The following TACC1 variants were observed in gnomAD, a reference collection of about 807,000 sequenced individuals.
TACC1 encodes transforming acidic coiled-coil-containing protein 1.
Under a neutral mutation model 84.4 loss-of-function variants are expected in TACC1, and 48 were observed. The ratio of observed to expected loss-of-function variants is 0.57; its 90% CI spans 0.45 to 0.72. The LOEUF is 0.72. TACC1 is among the 30% of genes least tolerant of loss of function. TACC1 has a pLI of 0.00. For missense variants in TACC1, 920 were observed against 973.0 expected (o/e 0.95, Z 0.72); for synonymous variants, 372 against 376.3 (o/e 0.99, Z 0.13).
At chr8:38,745,278 G>C in exon 3 of TACC1, 1 of 512,982 alleles carries the variant, frequency 1.9e-6, no homozygotes, top group Non-Finnish European at 3.4e-6. Flanking sequence ...CGCAGTTCAG[G>C]CCCAGCAAGA....
At chr8:38,778,014 T>C (rs1248007206) in intron 3 of TACC1, among the ~76,000 whole-genome samples, 1 of 152,186 alleles carries the variant, frequency 6.6e-6, no homozygotes, top group Non-Finnish European at 1.5e-5. Context: ...GGTGAGGGAA[T>C]TAGGCTCTAC....
chr8:38,745,767 C>T (rs1409062152), intron 3 of TACC1, among the ~76,000 whole-genome samples: 2 of 152,184 alleles, frequency 1.3e-5, no homozygotes, highest in Non-Finnish European at 2.9e-5. Context: ...TGGTCTTAAA[C>T]TCCTGACCTC....
chr8:38,828,231 G>A (rs1828531885), intron 5 of TACC1, among the ~76,000 whole-genome samples: 1 of 152,130 alleles, frequency 6.6e-6, no homozygotes, highest in Admixed American at 6.6e-5. Context: ...ATAGCAAGGT[G>A]TTACCCTTTT....
chr8:38,845,430 T>C (rs1832046324), intron 11 of TACC1, among the ~76,000 whole-genome samples: 1 of 152,252 alleles, frequency 6.6e-6, no homozygotes, highest in South Asian at 2.1e-4. Flanking sequence ...GTCGTTTCTT[T>C]GTGTCTTTAT....
chr8:38,769,663 G>A (rs1813124151), intron 3 of TACC1, among the ~76,000 whole-genome samples: 1 of 143,548 alleles, frequency 7.0e-6, no homozygotes, highest in Non-Finnish European at 1.5e-5. Flanking sequence ...GTGTGAGAGA[G>A]AGACTGGGTA....
intron 1 of TACC1, among the ~76,000 whole-genome samples, chr8:38,731,308 T>G (rs1804881215): frequency 6.6e-6 from 1 of 152,192 alleles, no homozygotes; most frequent in Admixed American, 6.5e-5. Context: ...ATCTCAGCTC[T>G]GTCACATTTT....
chr8:38,757,344 C>T (rs1193793976), intron 3 of TACC1: 4 of 1,267,834 alleles, frequency 3.2e-6, no homozygotes, highest in African/African-American at 3.2e-5. Flanking sequence ...TGGGAGGCTC[C>T]CACTCTCAGA....
intron 2 of TACC1, among the ~76,000 whole-genome samples, chr8:38,744,648 T>C (rs2151700965): frequency 6.6e-6 from 1 of 152,236 alleles, no homozygotes; most frequent in Middle Eastern, 3.4e-3. Context: ...TCCAACCACA[T>C]GATGATGCCC....
rs543942808 is a variant in TACC1, at chr8:38,799,887, G to A, written c.277+11068G>A. On this transcript the variant is annotated intron_variant, in intron 2 of 12. Transcript: ENST00000317827. ...GACACTATTTAAAGCATGTACTTTG[G>A]ATGTGTGTGCTGGCTCACTCCTGTA... The A allele has an allele frequency of 3.3e-5, 5 of 152,360 alleles. No individual in the cohort carries two copies. The South Asian group carries it at 1.0e-3, about 32-fold the overall frequency. The allele number at this position is 152,360 out of a possible 1,614,324, so 9.4% of individuals were successfully genotyped here.
intron 2 of TACC1, among the ~76,000 whole-genome samples, chr8:38,808,417 C>T (rs1370448379): frequency 6.6e-6 from 1 of 152,062 alleles, no homozygotes; most frequent in Non-Finnish European, 1.5e-5. Flanking sequence ...CTTTCCTTTC[C>T]TTTTTCTTTT....
upstream of TACC1, among the ~76,000 whole-genome samples, chr8:38,782,800 T>A (rs1273975944): frequency 6.6e-6 from 1 of 152,214 alleles, no homozygotes; most frequent in Non-Finnish European, 1.5e-5. Context: ...TTGGTTTGCT[T>A]GTTTTCAACT....
intron 9 of TACC1, among the ~76,000 whole-genome samples, chr8:38,841,995 GCTGTA>G (rs1213880052): frequency 6.6e-6 from 1 of 152,068 alleles, no homozygotes; most frequent in South Asian, 2.1e-4. Context: ...CTCCCAGGTA[GCTGTA>G]TGGCTCACAT....
At chr8:38,803,334 G>T (rs1185227730) in intron 2 of TACC1, among the ~76,000 whole-genome samples, 2 of 152,146 alleles carry the variant, frequency 1.3e-5, no homozygotes, top group Non-Finnish European at 2.9e-5. Flanking sequence ...TGACATTTTT[G>T]TCTCGTTCTT....
rs992264722 is a variant in TACC1, at chr8:38,846,928, C to T, written c.2349+109C>T. 12 of 1,305,042 alleles carry T rather than the reference C, an allele frequency of 9.2e-6. No homozygotes were observed. In the Admixed American group the frequency reaches 9.9e-5, roughly 11 times the overall value. The allele number at this position is 1,305,042 out of a possible 1,614,324, so 80.8% of individuals were successfully genotyped here. A position where few individuals can be genotyped will look rare whatever the true frequency, so the allele number is the denominator to read the frequency against. Reference sequence around the variant, plus strand: ...GTGAAAGAGGCCTTGGCTTTCTACTCAGACATTTCAGTCCAGCTCCTTTCT... The same window carrying T: ...GTGAAAGAGGCCTTGGCTTTCTACTTAGACATTTCAGTCCAGCTCCTTTCT... On this transcript the variant is annotated intron_variant, in intron 12 of 12. Transcript: ENST00000317827.
intron 2 of TACC1, among the ~76,000 whole-genome samples, chr8:38,815,538 G>A (rs1259668166): frequency 6.6e-6 from 1 of 151,952 alleles, no homozygotes; most frequent in East Asian, 1.9e-4. Context: ...TCCTGTTTCA[G>A]CCTCCCAAGA....
chr8:38,822,679 A>C (rs1245746828), intron 3 of TACC1, among the ~76,000 whole-genome samples: 1 of 152,222 alleles, frequency 6.6e-6, no homozygotes, highest in African/African-American at 2.4e-5. Flanking sequence ...TATTTTCTTT[A>C]TATACCTATT....
chr8:38,827,687 C>T (rs764852912), intron 5 of TACC1: 8 of 314,918 alleles, frequency 2.5e-5, no homozygotes, highest in Non-Finnish European at 4.2e-5. Context: ...AGTTCATTTG[C>T]GTTGCTGTAA....
chr8:38,787,279 G>C lies in TACC1; in HGVS notation c.-304G>C. On this transcript the variant is annotated 5_prime_UTR_variant, in exon 1 of 13. Transcript: ENST00000317827. ...CGGGAGCAGCAGAGGTCTAGCAGCC[G>C]GGCGCCGCGGGCCGGGGGCCTGAGG... 1 of 1,087,738 alleles carries C rather than the reference G, an allele frequency of 9.2e-7. No homozygotes were observed. Among genetic ancestry groups the C allele is most frequent in the Non-Finnish European group, 1.1e-6 (1 of 896,050 alleles). 67.4% of individuals were successfully genotyped at this position (1,087,738 alleles called of 1,614,324 possible).
chr8:38,789,324 A>G (rs1248350126), intron 2 of TACC1, among the ~76,000 whole-genome samples: 1 of 152,192 alleles, frequency 6.6e-6, no homozygotes, highest in Non-Finnish European at 1.5e-5. Context: ...ATTCCCTCCC[A>G]GCCCCTCAGA....
Sources: allele counts gnomAD v4.1 joint callset (sites outside exome capture counted in the v4.1 genomes callset), GRCh38; gene constraint gnomAD v4.1.1; transcripts MANE v1.5; gene names NCBI Gene and HGNC (gene_info 2026-07-23, HGNC 2026-07-21).